The following CHST15 variants were observed in gnomAD, a reference collection of about 807,000 sequenced individuals.
The protein encoded by CHST15 is carbohydrate sulfotransferase 15.
Under a neutral mutation model 53.6 loss-of-function variants are expected in CHST15, and 30 were observed. That is an observed-to-expected ratio of 0.56 (90% CI 0.42 to 0.76). CHST15 has a LOEUF of 0.76. Among genes scored for constraint, CHST15 ranks in the 30% least tolerant of loss-of-function variants. The probability of loss-of-function intolerance (pLI) is 0.00; values close to 1 mark genes in which losing one functional copy is unlikely to be tolerated. For missense variants in CHST15, 627 were observed against 740.5 expected (o/e 0.85, Z 1.78); for synonymous variants, 296 against 289.8 (o/e 1.02, Z -0.22).
chr10:124,064,950 G>A (rs918655369), intron 1 of CHST15, among the ~76,000 whole-genome samples: 3 of 152,138 alleles, frequency 2.0e-5, no homozygotes, highest in Non-Finnish European at 2.9e-5. Flanking sequence ...GCTCTGTGAA[G>A]GCAAAAGAGT....
chr10:124,067,673 GT>G (rs1394793994), intron 1 of CHST15, among the ~76,000 whole-genome samples: 1 of 152,214 alleles, frequency 6.6e-6, no homozygotes, highest in Non-Finnish European at 1.5e-5. Context: ...CTGGAGTGTA[GT>G]GGCATGATCT....
chr10:124,092,261 C>T, intron 1 of CHST15: 1 of 154,728 alleles, frequency 6.5e-6, no homozygotes, highest in Non-Finnish European at 1.4e-5. Flanking sequence ...GCGCCCCGGC[C>T]GCTGCCATCC....
At position 124,012,362 on chromosome 10, in the gene CHST15, A is replaced by G. The variant is rs1448217502; in HGVS notation, c.1466T>C (p.Met489Thr). Residue 489 changes from methionine to threonine, a missense_variant, in exon 7 of 8, where the codon ATG becomes ACG. Around this residue, in one of 3 missense-constraint regions of CHST15, gnomAD observed 279 missense variants for 371.6 expected, o/e 0.75. Coordinates refer to ENST00000435907, the MANE Select transcript of CHST15 (RefSeq NM_001270764.2). ...EDHASNVKYT[M>T]HKVFQFLNLG... ...GTTCAGAAACTGGAAGACCTTGTGCATGGTGTACTTGACGTTGGATGCATG... is the reference window on the plus strand; with the variant it reads ...GTTCAGAAACTGGAAGACCTTGTGCGTGGTGTACTTGACGTTGGATGCATG... 1.2e-6 allele frequency: 2 copies of G among 1,614,004 alleles called. No individual in the cohort carries two copies. Among genetic ancestry groups the G allele is most frequent in the Non-Finnish European group, 1.7e-6 (2 of 1,180,038 alleles).
At chr10:124,087,305 G>A (rs564347633) in intron 1 of CHST15, among the ~76,000 whole-genome samples, 57 of 152,226 alleles carry the variant, frequency 3.7e-4, no homozygotes, top group African/African-American at 7.5e-4. Flanking sequence ...GGATGGGATC[G>A]CCACTTCTCC....
At chr10:124,054,461 C>T (rs902355143) in intron 1 of CHST15, among the ~76,000 whole-genome samples, 1 of 152,194 alleles carries the variant, frequency 6.6e-6, no homozygotes, top group Non-Finnish European at 1.5e-5. Flanking sequence ...TAAGCCATAT[C>T]CATAATAAAC....
chr10:124,038,702 G>T, intron 4 of CHST15, 31 bp from the exon 5 acceptor site: 1 of 1,609,524 alleles, frequency 6.2e-7, no homozygotes, highest in South Asian at 1.1e-5. Flanking sequence ...AAGTGAGCAG[G>T]GGTGTGATTC....
intron 1 of CHST15, among the ~76,000 whole-genome samples, chr10:124,053,843 G>C (rs1451915669): frequency 2.0e-5 from 3 of 152,008 alleles, no homozygotes. Context: ...GCTTGAGCCT[G>C]GGGAGGTTGA....
At chr10:124,020,502 G>C (rs957795887) in intron 6 of CHST15, 2 of 985,570 alleles carry the variant, frequency 2.0e-6, no homozygotes, top group Non-Finnish European at 1.2e-6. Context: ...AGAGGGGGCA[G>C]AGCCTCTTGG....
At chr10:124,081,552 T>G (rs990006650) in intron 1 of CHST15, among the ~76,000 whole-genome samples, 10 of 152,348 alleles carry the variant, frequency 6.6e-5, no homozygotes, top group Admixed American at 3.9e-4. Context: ...GTTTACTTCT[T>G]ATTACAGTTG....
At chr10:124,035,752 A>G (rs560948123) in intron 5 of CHST15, among the ~76,000 whole-genome samples, 20 of 152,344 alleles carry the variant, frequency 1.3e-4, no homozygotes, top group African/African-American at 4.6e-4. Flanking sequence ...TGCCTTGTTT[A>G]CACAGCAAAC....
At chr10:124,035,286 TCTACCCCTGATAGGTAC>T (rs1947437824) in intron 5 of CHST15, among the ~76,000 whole-genome samples, 1 of 132,502 alleles carries the variant, frequency 7.5e-6, no homozygotes, top group African/African-American at 3.0e-5. Flanking sequence ...GGACCCTGGC[TCTACCCCTGATAGGTAC>T]CCCGGCTCCA....
At chr10:124,022,237 G>A (rs1946815264) in intron 5 of CHST15, among the ~76,000 whole-genome samples, 1 of 152,204 alleles carries the variant, frequency 6.6e-6, no homozygotes, top group Non-Finnish European at 1.5e-5. Flanking sequence ...CTGAGCTTCT[G>A]CAATAGGCCC....
Position 124,046,029 on chromosome 10 carries a change from T to A in CHST15, c.184A>T (p.Thr62Ser). ...MNLLAVLEVR[T>S]EGNENWGGFL... Reference sequence around the variant, plus strand: ...CCACCCCAGTTTTCGTTCCCTTCAGTCCTCACTTCGAGAACAGCAAGCAAG... The same window carrying A: ...CCACCCCAGTTTTCGTTCCCTTCAGACCTCACTTCGAGAACAGCAAGCAAG... The change falls in exon 2 of 8, where the codon ACT becomes TCT. Residue 62 changes from threonine (T) to serine (S), a missense_variant. This residue lies in a region of CHST15 where 187 missense variants were observed against 251.8 expected (regional missense o/e 0.74). Transcript: ENST00000435907. 1 of 1,614,226 alleles carries A rather than the reference T, an allele frequency of 6.2e-7. No homozygotes were observed. The highest frequency in any genetic ancestry group is 2.2e-5 in the East Asian group (1 of 44,886).
chr10:124,077,872 G>A (rs1394216773), intron 1 of CHST15, among the ~76,000 whole-genome samples: 1 of 152,098 alleles, frequency 6.6e-6, no homozygotes, highest in African/African-American at 2.4e-5. Flanking sequence ...CACTACATGG[G>A]GATTCTGCCT....
rs1440086156 is a variant in CHST15 at position 124,024,392 on chromosome 10, A to G, written c.1191-2980T>C. Among the ~76,000 whole-genome samples the G allele has an allele frequency of 6.6e-6, 1 of 152,208 alleles. No individual in the cohort carries two copies. The highest frequency in any genetic ancestry group is 1.5e-5 in the Non-Finnish European group (1 of 68,032). On this transcript the variant is annotated intron_variant, in intron 5 of 7. Coordinates refer to ENST00000435907, the MANE Select transcript of CHST15 (RefSeq NM_001270764.2). This position sits in a 1 kb window ranked among gnomAD's most constrained non-coding sequence, Gnocchi z 4.0. ...GAATTCATCCACGGCCAATGTCCAC[A>G]GAGGACACCTCTTGGAAGTCTTGAG... is the stretch of plus-strand genomic sequence containing the variant.
chr10:124,021,228 GGGGGGTAC>G lies in CHST15; in HGVS notation c.1347+20_1347+27del. 1 of 1,539,726 alleles carries G rather than the reference GGGGGGTAC, an allele frequency of 6.5e-7. No homozygotes were observed. On this transcript the variant is annotated intron_variant, in intron 6 of 7. Coordinates refer to ENST00000435907, the MANE Select transcript of CHST15 (RefSeq NM_001270764.2). Reference sequence around the variant, plus strand: ...AGCTCCTTCTGCCAGGGGCCAGCTCGGGGGGTACGGGGGGGGGGGGTACACACAGGCAT... The same window carrying G: ...AGCTCCTTCTGCCAGGGGCCAGCTCGGGGGGGGGGGGGTACACACAGGCAT...
At chr10:124,078,027 AT>A (rs1191567621) in intron 1 of CHST15, among the ~76,000 whole-genome samples, 1 of 152,228 alleles carries the variant, frequency 6.6e-6, no homozygotes. Context: ...TACAAATTTC[AT>A]TTGGATGTTG....
intron 1 of CHST15, among the ~76,000 whole-genome samples, chr10:124,081,909 C>A (rs1033638298): frequency 2.6e-5 from 4 of 152,130 alleles, no homozygotes; most frequent in African/African-American, 9.7e-5. Context: ...ACGGGCTTGG[C>A]CAAATCAGAT....
At position 124,008,179 on chromosome 10, in the gene CHST15, C is replaced by T. The variant is rs1946320059; in HGVS notation, c.*1970G>A. The T allele has an allele frequency of 9.8e-6, 12 of 1,229,842 alleles. No homozygotes were observed. The highest frequency in any genetic ancestry group is 1.0e-5 in the Non-Finnish European group (10 of 987,122). The allele number at this position is 1,229,842 out of a possible 1,614,324, so 76.2% of individuals were successfully genotyped here. On this transcript the variant is annotated 3_prime_UTR_variant, in exon 8 of 8. Transcript: ENST00000435907. ...TGCATAGGAGTGCATAAGAAAAATCCCTTGTTGTAATTATGGTTGGTGTGG... is the reference window on the plus strand; with the variant it reads ...TGCATAGGAGTGCATAAGAAAAATCTCTTGTTGTAATTATGGTTGGTGTGG...
Sources: gnomAD v4.1 joint callset for allele counts (sites outside exome capture counted in the v4.1 genomes callset) on GRCh38, gnomAD v4.1.1 for gene constraint, gnomAD v4.1.1 regional missense constraint, Gnocchi (gnomAD v3.1) non-coding constraint, MANE v1.5 for transcripts, NCBI Gene and HGNC (gene_info 2026-07-23, HGNC 2026-07-21) for gene names.